Variants in POLB observed in about 807,000 individuals in gnomAD.
POLB encodes DNA polymerase beta.
POLB carries 37 observed loss-of-function variants against 52.7 expected under a neutral mutation model. The ratio of observed to expected loss-of-function variants is 0.70; its 90% CI spans 0.54 to 0.92. The LOEUF (loss-of-function observed/expected upper bound fraction) is 0.92, where lower values mean the gene tolerates loss of function less well. POLB is among the 40% of genes least tolerant of loss of function. The pLI is 0.00. For missense variants in POLB, 313 were observed against 400.8 expected (o/e 0.78, Z 1.87); for synonymous variants, 138 against 131.3 (o/e 1.05, Z -0.35).
At chr8:42,341,915 C>A in intron 2 of POLB, 1 of 655,960 alleles carries the variant, frequency 1.5e-6, no homozygotes, top group Non-Finnish European at 2.8e-6. Flanking sequence ...TGGATTCTCT[C>A]CTATAGCAGC....
intron 5 of POLB, among the ~76,000 whole-genome samples, chr8:42,350,875 T>A (rs1744192597): frequency 6.8e-6 from 1 of 147,530 alleles, no homozygotes; most frequent in South Asian, 2.1e-4. Context: ...TACAAAAATT[T>A]TTTTTTTTTT....
chr8:42,347,347 T>C (rs1585877742), intron 3 of POLB, among the ~76,000 whole-genome samples: 6 of 125,516 alleles, frequency 4.8e-5, no homozygotes, highest in Admixed American at 4.6e-4. Flanking sequence ...CTAGAAATTA[T>C]TCTAGAATTA....
rs1331970488 is a variant in POLB at position 42,353,498 on chromosome 8, G to C, written c.370+930G>C. ...CTGAAAAAGATTCTGTAAGAGATTTGTAATGGTTATTAAAGGAATTTTTGC... is the reference window on the plus strand; with the variant it reads ...CTGAAAAAGATTCTGTAAGAGATTTCTAATGGTTATTAAAGGAATTTTTGC... On this transcript the variant is annotated intron_variant, in intron 6 of 13. Transcript: ENST00000265421. 2.0e-5 allele frequency among the ~76,000 whole-genome samples: 3 copies of C among 152,144 alleles called. 1 individual carries two copies. The highest frequency in any genetic ancestry group is 7.2e-5 in the African/African-American group (3 of 41,444).
intron 2 of POLB, among the ~76,000 whole-genome samples, chr8:42,343,119 G>A (rs1416837184): frequency 2.0e-5 from 3 of 151,542 alleles, no homozygotes; most frequent in South Asian, 2.1e-4. Context: ...TCAGGAGATC[G>A]AGACCATCCT....
chr8:42,369,402 T>C (rs1343012473), intron 12 of POLB, 67 bp downstream of exon 12: 1 of 919,500 alleles, frequency 1.1e-6, no homozygotes, highest in East Asian at 2.5e-5. Flanking sequence ...TCCCTCCCTG[T>C]TTGTATCTTG....
chr8:42,370,081 A>G (rs973555472), intron 13 of POLB, 93 bp downstream of exon 13: 9 of 934,408 alleles, frequency 9.6e-6, no homozygotes, highest in Admixed American at 1.8e-5. Flanking sequence ...TCTAATAACT[A>G]TGCCAGTTAG....
intron 4 of POLB, among the ~76,000 whole-genome samples, chr8:42,349,649 A>G (rs1158701134): frequency 2.0e-5 from 3 of 152,136 alleles, no homozygotes; most frequent in African/African-American, 4.8e-5. Context: ...CGGCCTCCCA[A>G]AGTGCTGGGA....
chr8:42,369,635 CCACAT>C (rs756050512), intron 12 of POLB: 143 of 526,304 alleles, frequency 2.7e-4, no homozygotes, highest in Non-Finnish European at 3.7e-4. Flanking sequence ...TTTCATTTCT[CCACAT>C]CTCTTTCAGA....
chr8:42,350,252 C>T (rs1822894903), intron 5 of POLB, among the ~76,000 whole-genome samples, 187 bp downstream of exon 5: 1 of 152,100 alleles, frequency 6.6e-6, no homozygotes, highest in Admixed American at 6.5e-5. Flanking sequence ...TGTAAGGTCC[C>T]CATCCAAGGC....
chr8:42,339,988 A>C (rs1822098766), intron 2 of POLB: 1 of 152,182 alleles, frequency 6.6e-6, no homozygotes, highest in African/African-American at 2.4e-5. Flanking sequence ...AATCTTCTTG[A>C]AAAATCTTCA....
At position 42,371,551 on chromosome 8, in the gene POLB, C is replaced by T. The variant is rs577767933; in HGVS notation, c.914-12C>T. The T allele has an allele frequency of 1.3e-6, 2 of 1,531,688 alleles. No individual in the cohort carries two copies. The highest frequency in any genetic ancestry group is 2.7e-5 in the African/African-American group (2 of 72,796). The allele number at this position is 1,531,688 out of a possible 1,614,324, so 94.9% of individuals were successfully genotyped here. The stretch of plus-strand genomic sequence containing the variant: ...TGGTTCTTACAATAAGTTTTTCTCT[C>T]TGTACTTGCAGGAGTTGCAGGAGAA... On this transcript the variant is annotated splice_polypyrimidine_tract_variant and intron_variant, in intron 13 of 13. Coordinates refer to ENST00000265421, the MANE Select transcript of POLB (RefSeq NM_002690.3).
At chr8:42,361,615 G>A in intron 10 of POLB, 5 of 418,422 alleles carry the variant, frequency 1.2e-5, no homozygotes, top group South Asian at 1.1e-4. Context: ...GTTTTAGAAC[G>A]ATTTACTGTC....
intron 2 of POLB, chr8:42,342,401 A>G: frequency 6.9e-7 from 1 of 1,450,942 alleles, no homozygotes; most frequent in South Asian, 1.1e-5. Flanking sequence ...TCGTGTGCAT[A>G]TGCTGCGCAG....
intron 9 of POLB, among the ~76,000 whole-genome samples, chr8:42,360,787 T>A (rs904092047): frequency 6.6e-6 from 1 of 151,948 alleles, no homozygotes; most frequent in East Asian, 1.9e-4. Context: ...TCTCTCTGTG[T>A]TGACTGGGTT....
At chr8:42,360,990 T>C (rs757220088) in intron 9 of POLB, 7 of 462,074 alleles carry the variant, frequency 1.5e-5, no homozygotes, top group African/African-American at 6.0e-5. Context: ...TTTTAAAATA[T>C]TGTTTTTATT....
rs767222241 is a variant in POLB at position 42,369,927 on chromosome 8, T to A, written c.852T>A (p.Ala284=). The change falls in exon 13 of 14, where the codon GCT becomes GCA. Residue 284 remains alanine, a synonymous_variant. Transcript: ENST00000265421. ...GSDIFNKNMR[A]HALEKGFTIN... is the part of the protein sequence containing the mutation. ...ATATTTTCAATAAGAATATGAGGGC[T>A]CATGCCCTAGAAAAGGGTTTCACAA... is the stretch of plus-strand genomic sequence containing the variant. 3 of 1,601,720 alleles carry A rather than the reference T, an allele frequency of 1.9e-6. No homozygotes were observed. Among genetic ancestry groups the A allele is most frequent in the Non-Finnish European group, 1.7e-6 (2 of 1,168,764 alleles).
intron 4 of POLB, 56 bp from the exon 5 acceptor site, chr8:42,349,951 C>G (rs763514354): frequency 4.8e-5 from 55 of 1,151,336 alleles, no homozygotes; most frequent in Non-Finnish European, 6.9e-5. Flanking sequence ...CCAATAAGAT[C>G]ATTTAAGTCC....
chr8:42,371,776 G>A lies in POLB; in HGVS notation c.*119G>A, dbSNP rs1259592051. ...TTGTTTCTTCTTCATGCTTTTGCTT[G>A]CAATGTAGTCAATAAAACCTCATGT... On this transcript the variant is annotated 3_prime_UTR_variant, in exon 14 of 14. Transcript: ENST00000265421. 3.0e-6 allele frequency: 2 copies of A among 657,750 alleles called. No individual in the cohort carries two copies. Among genetic ancestry groups the A allele is most frequent in the Non-Finnish European group, 5.6e-6 (2 of 355,526 alleles). 40.7% of individuals were successfully genotyped at this position (657,750 alleles called of 1,614,324 possible).
chr8:42,369,933 C>A lies in POLB; in HGVS notation c.858C>A (p.Ala286=). 1 of 1,608,952 alleles carries A rather than the reference C, an allele frequency of 6.2e-7. No homozygotes were observed. The highest frequency in any genetic ancestry group is 1.7e-4 in the Middle Eastern group (1 of 6,044). Residue 286 remains alanine, a synonymous_variant, in exon 13 of 14, where the codon GCC becomes GCA. Coordinates refer to ENST00000265421, the MANE Select transcript of POLB (RefSeq NM_002690.3). ...DIFNKNMRAH[A]LEKGFTINEY... ...TCAATAAGAATATGAGGGCTCATGCCCTAGAAAAGGGTTTCACAATCAATG... is the reference window on the plus strand; with the variant it reads ...TCAATAAGAATATGAGGGCTCATGCACTAGAAAAGGGTTTCACAATCAATG...
Sources: gnomAD v4.1 joint callset for allele counts (sites outside exome capture counted in the v4.1 genomes callset) on GRCh38, gnomAD v4.1.1 for gene constraint, MANE v1.5 for transcripts, NCBI Gene and HGNC (gene_info 2026-07-23, HGNC 2026-07-21) for gene names.